The following SETD3 variants were observed in gnomAD, a reference collection of about 807,000 sequenced individuals.
SETD3 encodes actin-histidine N-methyltransferase.
A neutral mutation model predicts 63.0 loss-of-function variants in SETD3; 19 were observed. The ratio of observed to expected loss-of-function variants is 0.30; its 90% CI spans 0.21 to 0.44. The LOEUF (loss-of-function observed/expected upper bound fraction) is 0.44, where lower values mean the gene tolerates loss of function less well. Among genes scored for constraint, SETD3 ranks in the 20% least tolerant of loss-of-function variants. SETD3 has a pLI of 1.00. For missense variants in SETD3, 587 were observed against 728.5 expected, an observed-to-expected ratio of 0.81 and a Z score of 2.24; for synonymous variants, 286 against 264.1, an observed-to-expected ratio of 1.08 and a Z score of -0.80.
intron 10 of SETD3, 135 bp downstream of exon 10, chr14:99,405,070 T>C (rs982295434): frequency 4.9e-5 from 62 of 1,263,350 alleles, no homozygotes; most frequent in Non-Finnish European, 6.5e-5. Context: ...TGGCTTAAAT[T>C]TGCTGTGCCA....
intron 8 of SETD3, among the ~76,000 whole-genome samples, chr14:99,406,876 C>T (rs1359783388): frequency 6.6e-6 from 1 of 152,208 alleles, no homozygotes; most frequent in Non-Finnish European, 1.5e-5. Context: ...AAAACATAAT[C>T]GCCTCTGGGC....
rs564079402 is a variant in SETD3 at position 99,474,213 on chromosome 14, T to C, written c.-9+6515A>G. On this transcript the variant is annotated intron_variant, in intron 1 of 12. Coordinates refer to ENST00000331768, the MANE Select transcript of SETD3 (RefSeq NM_032233.3). ...GGTGGCACAGGCCTGTAATCCCAGC[T>C]ACTTAGGAGGCTGATGTAGGAGAAA... Among the ~76,000 whole-genome samples, 5 of 152,204 alleles carry C rather than the reference T, an allele frequency of 3.3e-5. No individual in the cohort carries two copies. In the East Asian group the frequency reaches 9.7e-4, roughly 29 times the overall value.
chr14:99,428,563 T>C (rs1226906295), intron 6 of SETD3, among the ~76,000 whole-genome samples: 1 of 152,102 alleles, frequency 6.6e-6, no homozygotes, highest in African/African-American at 2.4e-5. Context: ...GGAGGATTGT[T>C]TGAGCCAAGG....
chr14:99,439,247 C>CAAGA (rs1331675421), intron 6 of SETD3, among the ~76,000 whole-genome samples: 1 of 152,218 alleles, frequency 6.6e-6, no homozygotes, highest in East Asian at 1.9e-4. Flanking sequence ...GGCTGCTCTT[C>CAAGA]TCAAGTTCTT....
rs558383138 is a variant in SETD3 at position 99,452,739 on chromosome 14, C to G, written c.675+5540G>C. Among the ~76,000 whole-genome samples, 20 of 152,322 alleles carry G rather than the reference C, an allele frequency of 1.3e-4. 1 individual carries two copies. In the South Asian group the frequency reaches 3.7e-3, roughly 28 times the overall value. ...GCTCCTCTCCCAAAAACCAGGATCA[C>G]CACCGGGGATGCACAGAACTGAATT... On this transcript the variant is annotated intron_variant, in intron 6 of 12. Transcript: ENST00000331768.
chr14:99,419,863 TAATC>T (rs534319931), intron 6 of SETD3, among the ~76,000 whole-genome samples: 112 of 152,326 alleles, frequency 7.4e-4, no homozygotes, highest in African/African-American at 1.6e-3. Flanking sequence ...AATTTAGTGA[TAATC>T]AATCAATATT....
chr14:99,438,336 T>A lies in SETD3; in HGVS notation c.675+19943A>T, dbSNP rs151018252. On this transcript the variant is annotated intron_variant, in intron 6 of 12. Coordinates refer to ENST00000331768, the MANE Select transcript of SETD3 (RefSeq NM_032233.3). ...AGGCTTGACTTCTGCATACAAAAGGTTTCAAATATATATTCCAAAGAATAA... is the reference window on the plus strand; with the variant it reads ...AGGCTTGACTTCTGCATACAAAAGGATTCAAATATATATTCCAAAGAATAA... Among the ~76,000 whole-genome samples, 43 of 152,296 alleles carry A rather than the reference T, an allele frequency of 2.8e-4. 3 individuals are homozygous for A. The East Asian group carries it at 4.1e-3, about 14-fold the overall frequency.
At chr14:99,400,049 CATCTT>C (rs1891305685) in intron 12 of SETD3, 45 bp downstream of exon 12, 2 of 1,519,380 alleles carry the variant, frequency 1.3e-6, no homozygotes, top group African/African-American at 1.4e-5. Flanking sequence ...CCTCATTAAA[CATCTT>C]AACAACACAA....
Position 99,405,341 on chromosome 14 carries a change from C to T in SETD3, c.955G>A (p.Ala319Thr), listed in dbSNP as rs145876062. The change falls in exon 10 of 13, where the codon GCA becomes ACA. Residue 319 changes from alanine to threonine, a missense_variant. Transcript: ENST00000331768. Reference sequence around the variant, plus strand: ...AAACCACTGTGGATCACAAACTCTGCGTTGGATCGAGTGCCATAAAAAATG... The same window carrying T: ...AAACCACTGTGGATCACAAACTCTGTGTTGGATCGAGTGCCATAAAAAATG... Reference protein sequence around the residue: ...IYIFYGTRSNAEFVIHSGFFF... With the variant: ...IYIFYGTRSNTEFVIHSGFFF... 115 of 1,611,406 alleles carry T rather than the reference C, an allele frequency of 7.1e-5. No individual in the cohort carries two copies. The highest frequency in any genetic ancestry group is 4.0e-4 in the African/African-American group (30 of 74,846).
Position 99,458,512 on chromosome 14 carries a change from T to C in SETD3, c.442A>G (p.Ile148Val), listed in dbSNP as rs545572179. Residue 148 changes from isoleucine to valine, a missense_variant, in exon 6 of 13, where the codon ATC (isoleucine) becomes GTC (valine). Physicochemically the swap from Ile to Val is conservative, Grantham distance 29 (BLOSUM62 3). Coordinates refer to ENST00000331768, the MANE Select transcript of SETD3 (RefSeq NM_032233.3). ...VLGPLYSQDR[I>V]LQAMGNIALA... ...GCGATGTTTCCCATGGCTTGAAGGA[T>C]TCGGTCTTGAGAATATAAGGGCCCT... is the stretch of plus-strand genomic sequence containing the variant. The C allele has an allele frequency of 1.2e-6, 2 of 1,614,140 alleles. No individual in the cohort carries two copies. The highest frequency in any genetic ancestry group is 1.1e-5 in the South Asian group (1 of 91,086).
At chr14:99,428,695 T>C (rs186097738) in intron 6 of SETD3, among the ~76,000 whole-genome samples, 1 of 152,066 alleles carries the variant, frequency 6.6e-6, no homozygotes, top group Non-Finnish European at 1.5e-5. Context: ...TGAGAAAATG[T>C]GGGGAGGGGG....
chr14:99,463,930 C>A (rs897846351), intron 2 of SETD3, among the ~76,000 whole-genome samples: 8 of 152,112 alleles, frequency 5.3e-5, no homozygotes, highest in African/African-American at 1.7e-4. Flanking sequence ...TGCAAACTAT[C>A]CCCCCAAAAC....
At chr14:99,475,077 T>C (rs1382014860) in intron 1 of SETD3, among the ~76,000 whole-genome samples, 2 of 152,232 alleles carry the variant, frequency 1.3e-5, no homozygotes, top group East Asian at 3.8e-4. Flanking sequence ...GTATCATGAA[T>C]AATCATTTCC....
intron 8 of SETD3, among the ~76,000 whole-genome samples, chr14:99,411,128 A>G (rs945363993): frequency 6.6e-6 from 1 of 152,224 alleles, no homozygotes; most frequent in Non-Finnish European, 1.5e-5. Flanking sequence ...ACAGTTCAAC[A>G]AGAGTGCAGA....
intron 6 of SETD3, among the ~76,000 whole-genome samples, chr14:99,446,913 G>T (rs1399468291): frequency 1.4e-5 from 2 of 139,850 alleles, no homozygotes. Context: ...CCAAGGCAGG[G>T]ACACACACCA....
At chr14:99,443,932 A>G (rs906092592) in intron 6 of SETD3, among the ~76,000 whole-genome samples, 1 of 152,218 alleles carries the variant, frequency 6.6e-6, no homozygotes, top group African/African-American at 2.4e-5. Context: ...TACACTGCTG[A>G]GTACACAGCT....
chr14:99,427,917 C>CTCTA (rs1183029583), intron 6 of SETD3, among the ~76,000 whole-genome samples: 1 of 152,200 alleles, frequency 6.6e-6, no homozygotes, highest in East Asian at 1.9e-4. Flanking sequence ...CGAGTTAAGT[C>CTCTA]TCTAAAGATG....
intron 6 of SETD3, among the ~76,000 whole-genome samples, chr14:99,418,952 C>T (rs181259792): frequency 6.6e-5 from 10 of 152,220 alleles, no homozygotes; most frequent in East Asian, 1.9e-4. Flanking sequence ...TGCAAGACAG[C>T]GAGTTTCTAG....
At chr14:99,446,956 A>G (rs1894164616) in intron 6 of SETD3, among the ~76,000 whole-genome samples, 2 of 139,030 alleles carry the variant, frequency 1.4e-5, no homozygotes, top group South Asian at 5.2e-4. Context: ...CCCAAGGACA[A>G]AGAAAAAGTA....
Sources: allele counts gnomAD v4.1 joint callset (sites outside exome capture counted in the v4.1 genomes callset), GRCh38; gene constraint gnomAD v4.1.1; transcripts MANE v1.5; gene names NCBI Gene and HGNC (gene_info 2026-07-23, HGNC 2026-07-21).